The following ZNF738 variants were observed in gnomAD, a reference collection of about 807,000 sequenced individuals.
ZNF738 encodes the protein protein ZNF738.
ZNF738 carries 10 observed loss-of-function variants against 9.2 expected under a neutral mutation model. The ratio of observed to expected loss-of-function variants is 1.09; its 90% CI spans 0.67 to 1.85. The LOEUF (loss-of-function observed/expected upper bound fraction) is 1.85, where lower values mean the gene tolerates loss of function less well. Among genes scored for constraint, ZNF738 ranks in the 40% most tolerant of loss-of-function variants. ZNF738 has a pLI of 0.00. For missense variants in ZNF738, 346 were observed against 283.6 expected, an observed-to-expected ratio of 1.22 and a Z score of -1.58; for synonymous variants, 113 against 94.5, an observed-to-expected ratio of 1.20 and a Z score of -1.14.
intron 2 of ZNF738, among the ~76,000 whole-genome samples, chr19:21,364,060 A>G (rs7508671): frequency 0.57 from 85,564 of 150,974 alleles, 24,544 homozygotes; most frequent in Middle Eastern, 0.69. Flanking sequence ...ATCCAGGCGT[A>G]GAGATGTGCA....
Position 21,388,226 on chromosome 19 carries a change from T to A in ZNF738, c.*4552T>A, listed in dbSNP as rs1192110513. 1.3e-5 allele frequency among the ~76,000 whole-genome samples: 2 copies of A among 152,132 alleles called. No homozygotes were observed. Among genetic ancestry groups the A allele is most frequent in the Admixed American group, 1.3e-4 (2 of 15,266 alleles). On this transcript the variant is annotated 3_prime_UTR_variant, in exon 5 of 5. Transcript: ENST00000683779. ...AAGTATACTTTATTTCTTGAAAAAATTACAGACTTTGAAAGCAAATGATGT... is the reference window on the plus strand; with the variant it reads ...AAGTATACTTTATTTCTTGAAAAAAATACAGACTTTGAAAGCAAATGATGT...
chr19:21,365,378 C>A (rs1395357556), intron 2 of ZNF738, among the ~76,000 whole-genome samples: 3 of 152,114 alleles, frequency 2.0e-5, no homozygotes, highest in Admixed American at 2.0e-4. Flanking sequence ...ATTTTACCCA[C>A]CCCCTATTCA....
At chr19:21,375,658 C>A (rs1973917698) in intron 3 of ZNF738, among the ~76,000 whole-genome samples, 1 of 152,008 alleles carries the variant, frequency 6.6e-6, no homozygotes, top group Non-Finnish European at 1.5e-5. Context: ...TATTTGCCAC[C>A]ACTAATTTTT....
intron 2 of ZNF738, among the ~76,000 whole-genome samples, chr19:21,374,222 A>C (rs1221465406): frequency 6.6e-6 from 1 of 152,190 alleles, no homozygotes; most frequent in African/African-American, 2.4e-5. Flanking sequence ...TTTAAACTGG[A>C]TGGCATTTAT....
At chr19:21,375,213 A>ATG (rs35659257) in intron 2 of ZNF738, 25 bp from the exon 3 acceptor site, 362,627 of 817,266 alleles carry the variant, frequency 0.44, 45,109 homozygotes, top group African/African-American at 0.63. Context: ...ACTTGTAAAT[A>ATG]TGTGTGTGTG....
Position 21,375,282 on chromosome 19 carries a change from G to A in ZNF738, c.141G>A (p.Glu47=), listed in dbSNP as rs748025871. 4.4e-6 allele frequency: 5 copies of A among 1,149,348 alleles called. No individual in the cohort carries two copies. Among genetic ancestry groups the A allele is most frequent in the Non-Finnish European group, 6.6e-6 (5 of 757,862 alleles). The allele number at this position is 1,149,348 out of a possible 1,614,324, so 71.2% of individuals were successfully genotyped here. A position where few individuals can be genotyped will look rare whatever the true frequency, so the allele number is the denominator to read the frequency against. ...ATGTGGTCATAGAATTCTCTCAGGA[G>A]GAGTGGCAATGCCTGGACACTGCTC... is the stretch of plus-strand genomic sequence containing the variant. The part of the protein sequence containing the change: ...FRDVVIEFSQ[E]EWQCLDTAQQ... The change falls in exon 3 of 5, where the codon GAG becomes GAA. Residue 47 remains glutamate, a synonymous_variant. Coordinates refer to ENST00000683779, the MANE Select transcript of ZNF738 (RefSeq NM_001355237.2).
Position 21,388,407 on chromosome 19 carries a change from T to C in ZNF738, c.*4733T>C, listed in dbSNP as rs193264560. ...TAAGGACATTAGAATGTAAGATGCA[T>C]GATGAAAAAGTGGAGAGGTTCTTTG... On this transcript the variant is annotated 3_prime_UTR_variant, in exon 5 of 5. Transcript: ENST00000683779. 3.4e-4 allele frequency among the ~76,000 whole-genome samples: 52 copies of C among 152,276 alleles called. No homozygotes were observed. The highest frequency in any genetic ancestry group is 7.2e-4 in the Admixed American group (11 of 15,284).
chr19:21,363,496 A>G (rs1973728138), intron 2 of ZNF738, among the ~76,000 whole-genome samples: 1 of 152,236 alleles, frequency 6.6e-6, no homozygotes, highest in Non-Finnish European at 1.5e-5. Context: ...GTTAAGGTTA[A>G]GACAAAAGGG....
At chr19:21,372,277 A>G (rs532601288) in intron 2 of ZNF738, 2 of 152,204 alleles carry the variant, frequency 1.3e-5, no homozygotes, top group East Asian at 3.9e-4. Context: ...CTTAGGAAAA[A>G]CAGAACTGGA....
At position 21,387,040 on chromosome 19, in the gene ZNF738, C is replaced by T. The variant is rs1007144529; in HGVS notation, c.*3366C>T. 2.0e-5 allele frequency: 3 copies of T among 152,082 alleles called. No individual in the cohort carries two copies. The highest frequency in any genetic ancestry group is 2.9e-5 in the Non-Finnish European group (2 of 67,972). 9.4% of individuals were successfully genotyped at this position (152,082 alleles called of 1,614,324 possible). ...AGATCTTAACACACATAAGATAATT[C>T]ATACTGGAAAGAAACTCCACAAACC... On this transcript the variant is annotated 3_prime_UTR_variant, in exon 5 of 5. Transcript: ENST00000683779.
intron 2 of ZNF738, among the ~76,000 whole-genome samples, chr19:21,365,728 G>A (rs1046172835): frequency 2.0e-5 from 3 of 152,080 alleles, no homozygotes; most frequent in South Asian, 4.1e-4. Flanking sequence ...AAGCCTAGGC[G>A]GGTGGATCGC....
At chr19:21,362,097 GATAATAATA>G (rs55672173) in intron 2 of ZNF738, among the ~76,000 whole-genome samples, 4,168 of 148,052 alleles carry the variant, frequency 0.028, 181 homozygotes, top group African/African-American at 0.093. Flanking sequence ...TAATAATAAT[GATAATAATA>G]ATAATAATAA....
At chr19:21,370,075 G>A (rs1406388516) in intron 2 of ZNF738, among the ~76,000 whole-genome samples, 1 of 152,176 alleles carries the variant, frequency 6.6e-6, no homozygotes, top group African/African-American at 2.4e-5. Context: ...GCCTCCCAAA[G>A]TGCTGGGATT....
At chr19:21,379,475 A>G (rs1451326139) in intron 4 of ZNF738, among the ~76,000 whole-genome samples, 1 of 152,128 alleles carries the variant, frequency 6.6e-6, no homozygotes, top group Non-Finnish European at 1.5e-5. Context: ...TTCTTTGTTA[A>G]TACTCAGTAA....
At chr19:21,381,836 G>T in intron 4 of ZNF738, 1 of 287,394 alleles carries the variant, frequency 3.5e-6, no homozygotes. Flanking sequence ...TACTGCTGAA[G>T]GTGTCAGGGT....
At chr19:21,366,952 T>C (rs1285416817) in intron 2 of ZNF738, among the ~76,000 whole-genome samples, 1 of 152,206 alleles carries the variant, frequency 6.6e-6, no homozygotes, top group Non-Finnish European at 1.5e-5. Context: ...TCTTGTGACT[T>C]AGAATACCTA....
chr19:21,378,719 C>T, intron 4 of ZNF738: 1 of 343,928 alleles, frequency 2.9e-6, no homozygotes. Flanking sequence ...CCTACCTCAG[C>T]CTCCCGAGTA....
chr19:21,366,820 A>G, intron 2 of ZNF738, among the ~76,000 whole-genome samples: 1 of 152,168 alleles, frequency 6.6e-6, no homozygotes, highest in Middle Eastern at 3.2e-3. Context: ...GTAACGGAGA[A>G]TGACCAGAGG....
chr19:21,373,539 G>T (rs190480886), intron 2 of ZNF738, among the ~76,000 whole-genome samples: 51 of 152,292 alleles, frequency 3.3e-4, no homozygotes, highest in Admixed American at 1.1e-3. Context: ...CAGAAATAGA[G>T]AAACATATTT....
Sources: allele counts gnomAD v4.1 joint callset (sites outside exome capture counted in the v4.1 genomes callset), GRCh38; gene constraint gnomAD v4.1.1; transcripts MANE v1.5; gene names NCBI Gene and HGNC (gene_info 2026-07-23, HGNC 2026-07-21).